Variants in PCDHGB1 observed in about 807,000 individuals in gnomAD.
PCDHGB1 encodes the protein protocadherin gamma-B1.
Under a neutral mutation model 56.6 loss-of-function variants are expected in PCDHGB1, and 34 were observed. The observed-to-expected ratio is 0.60, with a 90% confidence interval of 0.46 to 0.80. The LOEUF is 0.80. Among genes scored for constraint, PCDHGB1 ranks in the 30% least tolerant of loss-of-function variants. The pLI is 0.00. For synonymous variants in PCDHGB1, 561 were observed against 505.9 expected (o/e 1.11, Z -1.46); for missense variants, 1,278 against 1,204.6 (o/e 1.06, Z -0.90).
chr5:141,420,242 A>T (rs1241562871), intron 1 of PCDHGB1: 1 of 1,586,666 alleles, frequency 6.3e-7, no homozygotes, highest in Non-Finnish European at 8.6e-7. Context: ...TTTAACTCCC[A>T]GCGTTGAAGC....
chr5:141,403,196 G>C lies in PCDHGB1; in HGVS notation c.2409+50527G>C, dbSNP rs762413220. 13 of 1,613,868 alleles carry C rather than the reference G, an allele frequency of 8.1e-6. No individual in the cohort carries two copies. The highest frequency in any genetic ancestry group is 1.6e-4 in the Middle Eastern group (1 of 6,078). On this transcript the variant is annotated intron_variant, in intron 1 of 3. Transcript: ENST00000523390. ...GCTTTTCTCTCTGAACCCGCGCAGC[G>C]GCACCTTGGTCACCGCGGGTAGGAT...
Position 141,404,625 on chromosome 5 carries a change from A to G in PCDHGB1, c.2409+51956A>G, listed in dbSNP as rs375300806. The G allele has an allele frequency of 9.0e-5, 146 of 1,614,036 alleles. No homozygotes were observed. The highest frequency in any genetic ancestry group is 5.1e-4 in the South Asian group (46 of 91,078). On this transcript the variant is annotated intron_variant, in intron 1 of 3. Transcript: ENST00000523390. ...CTGTTTGTTTTGGACCAGAATGACA[A>G]TGCCCCAGAAATCCTGTACCCTGCC...
intron 1 of PCDHGB1, chr5:141,372,940 T>G: frequency 1.2e-6 from 1 of 817,644 alleles, no homozygotes; most frequent in Non-Finnish European, 1.8e-6. Flanking sequence ...TAGAGTAGGG[T>G]GTCTAGGAAA....
rs751874380 is a variant in PCDHGB1 at position 141,486,055 on chromosome 5, C to A, written c.2410-8752C>A. ...CTGATCGTGTAAGAAACCTCTTTAG[C>A]CTGCACCCCACTACTGGAAAGCTTA... On this transcript the variant is annotated intron_variant, in intron 1 of 3. Transcript: ENST00000523390. The surrounding 1 kb of genome is among the most constrained non-coding windows in gnomAD (Gnocchi z 5.0). The A allele has an allele frequency of 6.2e-7, 1 of 1,614,170 alleles. No individual in the cohort carries two copies. Among genetic ancestry groups the A allele is most frequent in the South Asian group, 1.1e-5 (1 of 91,072 alleles).
chr5:141,371,551 TA>T, intron 1 of PCDHGB1: 1 of 1,613,822 alleles, frequency 6.2e-7, no homozygotes, highest in Non-Finnish European at 8.5e-7. Flanking sequence ...CTATGCCAAC[TA>T]AAAGGAAACT....
Position 141,433,020 on chromosome 5 carries a change from C to T in PCDHGB1, c.2410-61787C>T, listed in dbSNP as rs761127608. 1.1e-5 allele frequency: 17 copies of T among 1,614,152 alleles called. No individual in the cohort carries two copies. The South Asian group carries it at 1.9e-4, about 18-fold the overall frequency. On this transcript the variant is annotated intron_variant, in intron 1 of 3. Coordinates refer to ENST00000523390, the MANE Select transcript of PCDHGB1 (RefSeq NM_018922.3). ...GTGCAGGCTTTCCTGCAGACCTATTCCCACGAGGTTTCCCTCACCACGGAC... is the reference window on the plus strand; with the variant it reads ...GTGCAGGCTTTCCTGCAGACCTATTTCCACGAGGTTTCCCTCACCACGGAC...
chr5:141,423,241 G>A (rs1485226833), intron 1 of PCDHGB1: 19 of 1,613,954 alleles, frequency 1.2e-5, no homozygotes, highest in Non-Finnish European at 1.4e-5. Flanking sequence ...CATCCCCGAA[G>A]TCCTGGCGGA....
rs752811986 is a variant in PCDHGB1, at chr5:141,366,261, T to A, written c.2409+13592T>A. The stretch of plus-strand genomic sequence containing the variant: ...GACGCGCTCAAGCAGAGCCTCGTGG[T>A]GGCCGTCGAAGACCATGGCCAGCCC... On this transcript the variant is annotated intron_variant, in intron 1 of 3. Transcript: ENST00000523390. The A allele has an allele frequency of 1.4e-5, 23 of 1,613,602 alleles. No individual in the cohort carries two copies. The Admixed American group carries it at 2.3e-4, about 16-fold the overall frequency.
In PCDHGB1 at chr5:141,432,927, G is replaced by A; in HGVS notation, c.2410-61880G>A. On this transcript the variant is annotated intron_variant, in intron 1 of 3. Coordinates refer to ENST00000523390, the MANE Select transcript of PCDHGB1 (RefSeq NM_018922.3). This position sits in a 1 kb window ranked among gnomAD's most constrained non-coding sequence, Gnocchi z 6.0. ...AGGCTGCGGCGCTGGCACAAGTCACGCCTGCTGCAGGCTTCAGGAGGCGGC... is the reference window on the plus strand; with the variant it reads ...AGGCTGCGGCGCTGGCACAAGTCACACCTGCTGCAGGCTTCAGGAGGCGGC... 6.2e-7 allele frequency: 1 copy of A among 1,614,162 alleles called. No individual in the cohort carries two copies. Among genetic ancestry groups the A allele is most frequent in the Non-Finnish European group, 8.5e-7 (1 of 1,180,032 alleles).
chr5:141,473,382 C>T (rs780229708), intron 1 of PCDHGB1, among the ~76,000 whole-genome samples: 3 of 152,190 alleles, frequency 2.0e-5, no homozygotes, highest in Non-Finnish European at 4.4e-5. Context: ...TGGTCCCTGC[C>T]CTCCTGGAGC....
intron 1 of PCDHGB1, chr5:141,410,596 T>C: frequency 1.2e-6 from 2 of 1,608,810 alleles, no homozygotes; most frequent in Non-Finnish European, 1.7e-6. Flanking sequence ...AGGATTTGAC[T>C]TCACATCCTG....
chr5:141,365,656 AGCAGAC>A (rs528991261), intron 1 of PCDHGB1: 1 of 1,613,518 alleles, frequency 6.2e-7, no homozygotes, highest in Non-Finnish European at 8.5e-7. Context: ...CCTTGAAAGT[AGCAGAC>A]GTTAATGACA....
chr5:141,352,972 G>A (rs74528428), intron 1 of PCDHGB1, among the ~76,000 whole-genome samples: 3,310 of 152,246 alleles, frequency 0.022, 54 homozygotes, highest in Non-Finnish European at 0.034. Flanking sequence ...TGGGTGATGG[G>A]AGGGAAACTG....
rs201669321 is a variant in PCDHGB1, at chr5:141,375,837, G to A, written c.2409+23168G>A. The A allele has an allele frequency of 2.1e-5, 34 of 1,613,980 alleles. No individual in the cohort carries two copies. Among genetic ancestry groups the A allele is most frequent in the Non-Finnish European group, 2.6e-5 (31 of 1,180,040 alleles). Reference sequence around the variant, plus strand: ...CTGGCGCCCCGCTCCGCAGAGCCCGGCTACCTGGTGACCAAGGTGGTGGCG... The same window carrying A: ...CTGGCGCCCCGCTCCGCAGAGCCCGACTACCTGGTGACCAAGGTGGTGGCG... On this transcript the variant is annotated intron_variant, in intron 1 of 3. Coordinates refer to ENST00000523390, the MANE Select transcript of PCDHGB1 (RefSeq NM_018922.3).
chr5:141,354,396 T>C (rs1759533156), intron 1 of PCDHGB1, among the ~76,000 whole-genome samples: 1 of 152,220 alleles, frequency 6.6e-6, no homozygotes, highest in African/African-American at 2.4e-5. Context: ...TGGCCAAGAA[T>C]CTACTGTACA....
Position 141,494,920 on chromosome 5 carries a change from G to A in PCDHGB1, c.2468+55G>A, listed in dbSNP as rs1329724849. The A allele has an allele frequency of 1.8e-5, 29 of 1,613,680 alleles. No individual in the cohort carries two copies. The East Asian group carries it at 6.5e-4, about 36-fold the overall frequency. On this transcript the variant is annotated intron_variant, in intron 2 of 3. Coordinates refer to ENST00000523390, the MANE Select transcript of PCDHGB1 (RefSeq NM_018922.3). ...TTCTCTGCGGCATTTTCTCAGGGAT[G>A]ACGTGGGAGGAGATGGGGGAGGGCC...
At chr5:141,427,519 G>A (rs1428732557) in intron 1 of PCDHGB1, 1 of 602,000 alleles carries the variant, frequency 1.7e-6, no homozygotes, top group Non-Finnish European at 3.1e-6. Context: ...GATTGGGAGC[G>A]GATCCCGGAG....
chr5:141,477,569 G>A lies in PCDHGB1; in HGVS notation c.2410-17238G>A. The A allele has an allele frequency of 6.2e-7, 1 of 1,614,104 alleles. No homozygotes were observed. Among genetic ancestry groups the A allele is most frequent in the Non-Finnish European group, 8.5e-7 (1 of 1,180,024 alleles). On this transcript the variant is annotated intron_variant, in intron 1 of 3. Coordinates refer to ENST00000523390, the MANE Select transcript of PCDHGB1 (RefSeq NM_018922.3). This position sits in a 1 kb window ranked among gnomAD's most constrained non-coding sequence, Gnocchi z 4.9. ...ACTAAACCTAAGTGTCTGGGACCCC[G>A]ACGCCCCGCAGAATGCTCGGCTTTC...
At chr5:141,381,785 G>A (rs1349926565) in intron 1 of PCDHGB1, among the ~76,000 whole-genome samples, 1 of 149,782 alleles carries the variant, frequency 6.7e-6, no homozygotes, top group Non-Finnish European at 1.5e-5. Context: ...CAGGAACAAG[G>A]CAAGGCAATT....
Sources: allele counts gnomAD v4.1 joint callset (sites outside exome capture counted in the v4.1 genomes callset), GRCh38; gene constraint gnomAD v4.1.1; non-coding constraint Gnocchi (gnomAD v3.1); transcripts MANE v1.5; gene names NCBI Gene and HGNC (gene_info 2026-07-23, HGNC 2026-07-21).